Variants in SIK2 observed in about 807,000 individuals in gnomAD.
The protein encoded by SIK2 is salt inducible kinase 2, also known as serine/threonine-protein kinase SIK2.
SIK2 carries 29 observed loss-of-function variants against 103.2 expected under a neutral mutation model. The observed-to-expected ratio is 0.28, with a 90% CI of 0.21 to 0.38. The LOEUF is 0.38. Ranked by LOEUF, SIK2 falls within the 10% of genes least tolerant of loss-of-function variation. The probability of loss-of-function intolerance (pLI) is 1.00; values close to 1 mark genes in which losing one functional copy is unlikely to be tolerated. For synonymous variants in SIK2, 412 were observed against 446.1 expected, an observed-to-expected ratio of 0.92 and a Z score of 0.96; for missense variants, 879 against 1,171.0, an observed-to-expected ratio of 0.75 and a Z score of 3.64.
chr11:111,638,339 C>T (rs1942137749), intron 3 of SIK2, among the ~76,000 whole-genome samples: 1 of 152,186 alleles, frequency 6.6e-6, no homozygotes, highest in South Asian at 2.1e-4. Flanking sequence ...GAAATCAGGG[C>T]ACTCACCCAG....
rs764276331 is a variant in SIK2 at position 111,724,029 on chromosome 11, G to C, written c.2681G>C (p.Ser894Thr). Residue 894 changes from serine to threonine, a missense_variant, in exon 15 of 15, where the codon AGC becomes ACC. By Grantham distance (58) the Ser-to-Thr change is moderately conservative (BLOSUM62 1). This residue lies in a region of SIK2 where 375 missense variants were observed against 416.3 expected (regional missense o/e 0.90). Coordinates refer to ENST00000304987, the MANE Select transcript of SIK2 (RefSeq NM_015191.3). ...CCAGGACTGCAAGAGGCCCCCTCCA[G>C]CTACGACCCACTAGCCCTCTCTGAG... Reference protein sequence around the residue: ...RSPGLQEAPSSYDPLALSELP... With the variant: ...RSPGLQEAPSTYDPLALSELP... 1.9e-6 allele frequency: 3 copies of C among 1,614,184 alleles called. No homozygotes were observed. Among genetic ancestry groups the C allele is most frequent in the Non-Finnish European group, 2.5e-6 (3 of 1,180,028 alleles).
chr11:111,714,149 G>A (rs1190136709), intron 9 of SIK2, among the ~76,000 whole-genome samples: 1 of 152,182 alleles, frequency 6.6e-6, no homozygotes, highest in Non-Finnish European at 1.5e-5. Context: ...GATGTCTACA[G>A]TGGAGACAAG....
At chr11:111,677,863 C>G (rs1942725599) in intron 3 of SIK2, among the ~76,000 whole-genome samples, 1 of 152,176 alleles carries the variant, frequency 6.6e-6, no homozygotes, top group Non-Finnish European at 1.5e-5. Context: ...TTAATTTCTG[C>G]TTAATGGGAC....
Position 111,723,665 on chromosome 11 carries a change from C to T in SIK2, c.2317C>T (p.Pro773Ser), listed in dbSNP as rs763962224. ...QQAPPFSLTQ[P>S]LSPVLEPSSE... ...GGCCCCACCGTTCAGCCTGACCCAG[C>T]CCCTGAGCCCCGTCCTGGAGCCTTC... Residue 773 changes from proline (P) to serine (S), a missense_variant, in exon 15 of 15, where the codon CCC (proline) becomes TCC (serine). Pro to Ser is a moderately conservative substitution (Grantham distance 74). Coordinates refer to ENST00000304987, the MANE Select transcript of SIK2 (RefSeq NM_015191.3). The T allele has an allele frequency of 2.4e-5, 39 of 1,613,646 alleles. No individual in the cohort carries two copies. Among genetic ancestry groups the T allele is most frequent in the Non-Finnish European group, 3.2e-5 (38 of 1,179,966 alleles).
At chr11:111,637,456 C>CTTTTTTTTTTTTTT (rs558690499) in intron 3 of SIK2, among the ~76,000 whole-genome samples, 2 of 124,710 alleles carry the variant, frequency 1.6e-5, no homozygotes, top group African/African-American at 6.3e-5. Flanking sequence ...TTTGTAATAT[C>CTTTTTTTTTTTTTT]TTTTTTTTTT....
chr11:111,690,223 C>T (rs536141311), intron 4 of SIK2, among the ~76,000 whole-genome samples: 2 of 150,302 alleles, frequency 1.3e-5, no homozygotes, highest in African/African-American at 4.9e-5. Flanking sequence ...TTTAATGCTC[C>T]TTGAAAGCAT....
chr11:111,605,838 A>G (rs78946595), intron 1 of SIK2, among the ~76,000 whole-genome samples: 408 of 152,348 alleles, frequency 2.7e-3, no homozygotes, highest in African/African-American at 9.1e-3. Context: ...AACATTGTTT[A>G]TGAAATATAA....
At position 111,602,536 on chromosome 11, in the gene SIK2, TC is replaced by T; in HGVS notation, c.-26del. 1 of 1,477,804 alleles carries T rather than the reference TC, an allele frequency of 6.8e-7. No homozygotes were observed. Among genetic ancestry groups the T allele is most frequent in the South Asian group, 1.3e-5 (1 of 77,180 alleles). 91.5% of individuals were successfully genotyped at this position (1,477,804 alleles called of 1,614,324 possible). A position where few individuals can be genotyped will look rare whatever the true frequency, so the allele number is the denominator to read the frequency against. On this transcript the variant is annotated 5_prime_UTR_variant, in exon 1 of 15. Transcript: ENST00000304987. This position sits in a 1 kb window ranked among gnomAD's most constrained non-coding sequence, Gnocchi z 4.5. ...ACCCTCCCGCCCGCCCGCGCTCCTG[TC>T]CGCCGTGTCTAGCAGCGGGGCCCAG...
intron 3 of SIK2, among the ~76,000 whole-genome samples, chr11:111,626,654 C>T (rs563505069): frequency 2.9e-4 from 44 of 150,488 alleles, no homozygotes; most frequent in Admixed American, 2.4e-3. Flanking sequence ...GAATCACAAA[C>T]GTAATCATGT....
chr11:111,691,266 A>C (rs1341403047), intron 4 of SIK2, among the ~76,000 whole-genome samples: 1 of 152,212 alleles, frequency 6.6e-6, no homozygotes, highest in South Asian at 2.1e-4. Context: ...TATAGAAGTC[A>C]GATAAAAATT....
intron 3 of SIK2, among the ~76,000 whole-genome samples, chr11:111,653,670 G>A (rs1325282851): frequency 6.6e-6 from 1 of 152,210 alleles, no homozygotes. Flanking sequence ...ACATTAAACA[G>A]TGAGAAATGG....
chr11:111,716,459 C>A (rs1268093171), intron 9 of SIK2, among the ~76,000 whole-genome samples: 1 of 152,088 alleles, frequency 6.6e-6, no homozygotes, highest in Admixed American at 6.5e-5. Context: ...TGCCTGTAAT[C>A]CCAGCTACTG....
At chr11:111,668,628 G>A (rs1257270682) in intron 3 of SIK2, among the ~76,000 whole-genome samples, 1 of 152,178 alleles carries the variant, frequency 6.6e-6, no homozygotes, top group African/African-American at 2.4e-5. Flanking sequence ...ATTGTGCCAT[G>A]GTAACAACTT....
intron 4 of SIK2, among the ~76,000 whole-genome samples, chr11:111,692,376 A>C (rs1942965087): frequency 2.8e-5 from 4 of 140,956 alleles, no homozygotes; most frequent in African/African-American, 1.1e-4. Context: ...AAAAAAAAAA[A>C]AAAAAAAAAA....
chr11:111,701,383 G>T lies in SIK2; in HGVS notation c.604-69G>T. The T allele has an allele frequency of 6.4e-7, 1 of 1,554,934 alleles. No individual in the cohort carries two copies. Among genetic ancestry groups the T allele is most frequent in the Non-Finnish European group, 8.7e-7 (1 of 1,143,776 alleles). ...TCCATATGATTTCAAGAGCCCTGGG[G>T]ATGTTCAGGAAAACAAAGAGTGTTT... On this transcript the variant is annotated intron_variant, in intron 5 of 14. Transcript: ENST00000304987. This position sits in a 1 kb window ranked among gnomAD's most constrained non-coding sequence, Gnocchi z 4.2.
chr11:111,605,912 A>G (rs1324510954), intron 1 of SIK2, among the ~76,000 whole-genome samples: 1 of 152,212 alleles, frequency 6.6e-6, no homozygotes, highest in Non-Finnish European at 1.5e-5. Flanking sequence ...CCAAAGGGGA[A>G]GACAGGTGGT....
At chr11:111,620,504 T>C in intron 3 of SIK2, 102 bp downstream of exon 3, 2 of 712,530 alleles carry the variant, frequency 2.8e-6, no homozygotes, top group South Asian at 2.0e-5. Context: ...GTGTTGGTAA[T>C]ATAAGTGAAA....
At chr11:111,713,543 C>A (rs974336181) in intron 9 of SIK2, among the ~76,000 whole-genome samples, 2 of 152,152 alleles carry the variant, frequency 1.3e-5, no homozygotes, top group African/African-American at 2.4e-5. Context: ...GGTTTCCTGT[C>A]TTTTTAGCCT....
At chr11:111,703,531 G>A (rs544278541) in intron 7 of SIK2, 108 bp downstream of exon 7, 36 of 880,988 alleles carry the variant, frequency 4.1e-5, no homozygotes, top group African/African-American at 1.8e-4. Context: ...GCGCCTAGGC[G>A]TACTGTTCAG....
Sources: allele counts gnomAD v4.1 joint callset (sites outside exome capture counted in the v4.1 genomes callset), GRCh38; gene constraint gnomAD v4.1.1; regional missense constraint gnomAD v4.1.1; non-coding constraint Gnocchi (gnomAD v3.1); transcripts MANE v1.5; gene names NCBI Gene and HGNC (gene_info 2026-07-23, HGNC 2026-07-21).